Variants in SPDYC observed in about 807,000 individuals in gnomAD.
SPDYC encodes the protein speedy/RINGO cell cycle regulator family member C.
Under a neutral mutation model 33.9 loss-of-function variants are expected in SPDYC, and 25 were observed. The ratio of observed to expected loss-of-function variants is 0.74; its 90% CI spans 0.54 to 1.03. SPDYC has a LOEUF of 1.03. Ranked by LOEUF, SPDYC falls within the 50% of genes least tolerant of loss-of-function variation. SPDYC has a pLI of 0.00. For synonymous variants in SPDYC, 133 were observed against 140.2 expected (o/e 0.95, Z 0.36); for missense variants, 349 against 382.9 (o/e 0.91, Z 0.74).
chr11:65,172,803 G>A lies in SPDYC; in HGVS notation c.636G>A (p.Ser212=), dbSNP rs749800116. 1.7e-5 allele frequency: 27 copies of A among 1,613,984 alleles called. No individual in the cohort carries two copies. In the Middle Eastern group the frequency reaches 4.9e-4, roughly 30 times the overall value. ...GCCTTCCCCGGGGCCCTGGCCTCTC[G>A]CCGCCCCACTGTTCCCCCTGTGGTT... Residue 212 remains serine (S), a synonymous_variant, in exon 6 of 7, where the codon TCG becomes TCA. Transcript: ENST00000377185.
intron 1 of SPDYC, among the ~76,000 whole-genome samples, chr11:65,170,975 C>T (rs1948424016): frequency 6.6e-6 from 1 of 152,136 alleles, no homozygotes; most frequent in Non-Finnish European, 1.5e-5. Context: ...CTTCAGTTTC[C>T]TCGTTTGACG....
intron 3 of SPDYC, 102 bp downstream of exon 3, chr11:65,172,103 C>G (rs893781129): frequency 2.0e-6 from 3 of 1,490,938 alleles, no homozygotes; most frequent in Non-Finnish European, 2.8e-6. Flanking sequence ...CCATCCTTAC[C>G]CCCTCATCTT....
intron 1 of SPDYC, 47 bp downstream of exon 1, chr11:65,170,308 A>G (rs764078535): frequency 1.9e-6 from 3 of 1,546,036 alleles, no homozygotes; most frequent in South Asian, 1.2e-5. Context: ...GGGCGCCTAG[A>G]TGGAGGGGCC....
intron 2 of SPDYC, 134 bp downstream of exon 2, chr11:65,171,633 C>T (rs1948435352): frequency 1.8e-6 from 2 of 1,102,482 alleles, no homozygotes; most frequent in African/African-American, 1.6e-5. Flanking sequence ...CCAGCTTAGG[C>T]AGGTGGGAGG....
In SPDYC at chr11:65,170,264, A is replaced by C. The variant is rs777392593; in HGVS notation, c.26+3A>C. ...CTCTGGGCCATTCCTGAGCTCGGGT[A>C]AGGCTCGCTGCAGGAGGAGGCTGGG... On this transcript the variant is annotated splice_donor_region_variant and intron_variant, in intron 1 of 6. Coordinates refer to ENST00000377185, the Ensembl canonical transcript of SPDYC. The C allele has an allele frequency of 2.7e-5, 42 of 1,580,660 alleles. No individual in the cohort carries two copies. Among genetic ancestry groups the C allele is most frequent in the Non-Finnish European group, 3.6e-5 (42 of 1,162,072 alleles).
intron 6 of SPDYC, 54 bp downstream of exon 6, chr11:65,173,068 GGAGT>G (rs1948458408): frequency 6.3e-7 from 1 of 1,599,558 alleles, no homozygotes; most frequent in African/African-American, 1.3e-5. Flanking sequence ...TTGGGAGGCA[GGAGT>G]GAGGACCAAC....
chr11:65,173,369 A>T, downstream of SPDYC: 2 of 928,628 alleles, frequency 2.2e-6, no homozygotes, highest in East Asian at 2.7e-5. Context: ...CAGGACACCA[A>T]CTGTGCTTAG....
At chr11:65,171,836 AAG>A (rs958140125) in intron 2 of SPDYC, 105 bp from the exon 3 acceptor site, 4 of 952,024 alleles carry the variant, frequency 4.2e-6, no homozygotes, top group Non-Finnish European at 5.0e-6. Flanking sequence ...GAAAAAGAGA[AAG>A]AGAGAGAGGG....
exon 6 of SPDYC, chr11:65,172,848 C>T (rs1218180783): frequency 1.4e-5 from 23 of 1,614,200 alleles, no homozygotes; most frequent in Non-Finnish European, 1.9e-5. Context: ...ACTGCAGCAG[C>T]CACTTGCTTA....
rs779807361 is a variant in SPDYC at position 65,172,567 on chromosome 11, G to A, written c.478G>A (p.Gly160Ser). ...GAGGGATAAGCTTTGGGCACGGATG[G>A]GTTTCCGGGCTGTTGTGAGCCGCCA... Residue 160 changes from glycine (G) to serine (S), a missense_variant, in exon 5 of 7, where the codon GGT (glycine) becomes AGT (serine). Gly to Ser is a moderately conservative substitution (Grantham distance 56). Transcript: ENST00000377185. 5 of 1,558,422 alleles carry A rather than the reference G, an allele frequency of 3.2e-6. No individual in the cohort carries two copies. The East Asian group carries it at 1.1e-4, about 35-fold the overall frequency.
rs894262767 is a variant in SPDYC at position 65,171,638 on chromosome 11, G to A, written c.199+139G>A. 1.3e-5 allele frequency: 14 copies of A among 1,071,920 alleles called. No homozygotes were observed. The East Asian group carries it at 3.7e-4, about 28-fold the overall frequency. The allele number at this position is 1,071,920 out of a possible 1,614,324, so 66.4% of individuals were successfully genotyped here. ...CTCAGGTATCCCAGCTTAGGCAGGT[G>A]GGAGGGGTGTCCTCTCAGAAACTGG... On this transcript the variant is annotated intron_variant, in intron 2 of 6. Coordinates refer to ENST00000377185, the Ensembl canonical transcript of SPDYC.
intron 1 of SPDYC, 81 bp downstream of exon 1, chr11:65,170,342 C>T: frequency 7.2e-7 from 1 of 1,391,774 alleles, no homozygotes; most frequent in Non-Finnish European, 9.5e-7. Flanking sequence ...GGGTGGTCGA[C>T]CGCACGTTCT....
intron 1 of SPDYC, 56 bp downstream of exon 1, chr11:65,170,317 C>A: frequency 6.5e-7 from 1 of 1,527,868 alleles, no homozygotes; most frequent in African/African-American, 1.4e-5. Context: ...GATGGAGGGG[C>A]CCAGATTGGC....
At chr11:65,173,338 C>T (rs976520640), downstream of SPDYC, 25 of 1,212,686 alleles carry the variant, frequency 2.1e-5, no homozygotes, top group Non-Finnish European at 2.7e-5. Flanking sequence ...GTGCCAGTCC[C>T]CTCTAATAAA....
chr11:65,171,173 G>C (rs1362346260), intron 1 of SPDYC, among the ~76,000 whole-genome samples, 154 bp from the exon 2 acceptor site: 2 of 151,886 alleles, frequency 1.3e-5, no homozygotes, highest in African/African-American at 4.8e-5. Flanking sequence ...TTCTTTTCTG[G>C]CCTCCCCACT....
exon 7 of SPDYC, chr11:65,173,217 A>C (rs775762723): frequency 3.1e-6 from 5 of 1,613,896 alleles, no homozygotes; most frequent in Non-Finnish European, 4.2e-6. Flanking sequence ...CTGGGCACTG[A>C]AGCTCTGCAG....
At chr11:65,170,617 C>A (rs1948420772) in intron 1 of SPDYC, among the ~76,000 whole-genome samples, 1 of 146,396 alleles carries the variant, frequency 6.8e-6, no homozygotes, top group South Asian at 2.1e-4. Flanking sequence ...TTTTTTTTGG[C>A]CAGGCGCAGT....
intron 2 of SPDYC, 133 bp downstream of exon 2, chr11:65,171,632 G>A (rs1175595434): frequency 9.0e-7 from 1 of 1,106,064 alleles, no homozygotes; most frequent in African/African-American, 1.6e-5. Context: ...CCCAGCTTAG[G>A]CAGGTGGGAG....
exon 5 of SPDYC, chr11:65,172,462 C>G: frequency 6.3e-7 from 1 of 1,590,626 alleles, no homozygotes; most frequent in Non-Finnish European, 8.6e-7. Context: ...GGAGGAGGAC[C>G]TGGAGGGCCC....
Sources: gnomAD v4.1 joint callset for allele counts (sites outside exome capture counted in the v4.1 genomes callset) on GRCh38, gnomAD v4.1.1 for gene constraint, MANE v1.5 for transcripts, NCBI Gene and HGNC (gene_info 2026-07-23, HGNC 2026-07-21) for gene names.